The following SLC1A4 variants were observed in gnomAD, a reference collection of about 807,000 sequenced individuals.
SLC1A4 encodes the protein neutral amino acid transporter A.
SLC1A4 carries 19 observed loss-of-function variants against 37.7 expected under a neutral mutation model. That is an observed-to-expected ratio of 0.50 (90% CI 0.35 to 0.74). SLC1A4 has a LOEUF of 0.74. Ranked by LOEUF, SLC1A4 falls within the 30% of genes least tolerant of loss-of-function variation. The pLI, the probability that SLC1A4 is intolerant of heterozygous loss-of-function variation, is 0.01. For missense variants in SLC1A4, 570 were observed against 712.9 expected (o/e 0.80, Z 2.28); for synonymous variants, 299 against 309.8 (o/e 0.97, Z 0.37).
chr2:64,994,141 G>A (rs1673163987), intron 1 of SLC1A4, among the ~76,000 whole-genome samples: 1 of 152,230 alleles, frequency 6.6e-6, no homozygotes, highest in South Asian at 2.1e-4. Flanking sequence ...TCACACTATG[G>A]AAAATTTGGA....
intron 3 of SLC1A4, among the ~76,000 whole-genome samples, chr2:65,006,689 A>T (rs75947526): frequency 0.015 from 2,247 of 152,050 alleles, 57 homozygotes; most frequent in African/African-American, 0.048. Context: ...TTGTAATCTC[A>T]ATGACTCAGA....
At chr2:65,006,491 C>CA (rs1319237059) in intron 3 of SLC1A4, among the ~76,000 whole-genome samples, 2 of 151,574 alleles carry the variant, frequency 1.3e-5, no homozygotes, top group African/African-American at 4.9e-5. Context: ...GACTCTGTCT[C>CA]AAAAAAATAA....
chr2:64,989,708 C>G lies in SLC1A4; in HGVS notation c.65C>G (p.Pro22Arg). The G allele has an allele frequency of 6.6e-7, 1 of 1,517,490 alleles. No homozygotes were observed. Among genetic ancestry groups the G allele is most frequent in the Non-Finnish European group, 8.8e-7 (1 of 1,138,676 alleles). 94.0% of individuals were successfully genotyped at this position (1,517,490 alleles called of 1,614,324 possible). ...DSAQAGPAAG[P>R]GAPGTAAGRA... ...GCTCAGGCGGGGCCTGCGGCCGGGC[C>G]CGGAGCTCCGGGGACCGCGGCGGGA... Residue 22 changes from proline (P) to arginine (R), a missense_variant, in exon 1 of 8, where the codon CCC becomes CGC. Transcript: ENST00000234256.
At chr2:65,020,821 A>G in intron 7 of SLC1A4, 91 bp from the exon 8 acceptor site, 1 of 1,024,720 alleles carries the variant, frequency 9.8e-7, no homozygotes, top group Non-Finnish European at 1.5e-6. Flanking sequence ...GCCCCTCACA[A>G]TCATGACTTT....
chr2:64,991,510 C>A (rs2103628127), intron 1 of SLC1A4, among the ~76,000 whole-genome samples: 1 of 151,382 alleles, frequency 6.6e-6, no homozygotes, highest in East Asian at 2.0e-4. Flanking sequence ...TCACTGCATC[C>A]CCGAACTCCT....
In SLC1A4 at chr2:65,018,317, T is replaced by A. The variant is rs1674250696; in HGVS notation, c.1229+52T>A. 2.5e-6 allele frequency: 4 copies of A among 1,574,006 alleles called. No individual in the cohort carries two copies. In the African/African-American group the frequency reaches 4.1e-5, roughly 16 times the overall value. On this transcript the variant is annotated intron_variant, in intron 6 of 7. Transcript: ENST00000234256. This position sits in a 1 kb window ranked among gnomAD's most constrained non-coding sequence, Gnocchi z 4.3. ...CAAAACTGAAGGCTTTTCTTGTGATTTCCTTTGAAAAACCAATCTCACCAC... is the reference window on the plus strand; with the variant it reads ...CAAAACTGAAGGCTTTTCTTGTGATATCCTTTGAAAAACCAATCTCACCAC...
rs70937394 is a variant in SLC1A4 at position 65,002,570 on chromosome 2, C to CTTTTTTTTTTTTTTT, written c.570+1091_570+1105dup. Among the ~76,000 whole-genome samples, 11 of 59,048 alleles carry CTTTTTTTTTTTTTTT rather than the reference C, an allele frequency of 1.9e-4. 1 individual carries two copies. Among genetic ancestry groups the CTTTTTTTTTTTTTTT allele is most frequent in the Admixed American group, 5.3e-4 (2 of 3,744 alleles). The allele number at this position is 59,048 out of a possible 152,430, so 38.7% of individuals were successfully genotyped here. A position where few individuals can be genotyped will look rare whatever the true frequency, so the allele number is the denominator to read the frequency against. On this transcript the variant is annotated intron_variant, in intron 2 of 7. Coordinates refer to ENST00000234256, the MANE Select transcript of SLC1A4 (RefSeq NM_003038.5). ...TGCAAGTAACAGTCCTGTGACCATT[C>CTTTTTTTTTTTTTTT]TTTTTTTTTTTTTTTTTTTTTTTTT...
rs1240670805 is a variant in SLC1A4 at position 65,016,460 on chromosome 2, T to C, written c.821T>C (p.Met274Thr). 2 of 1,614,190 alleles carry C rather than the reference T, an allele frequency of 1.2e-6. No individual in the cohort carries two copies. Among genetic ancestry groups the C allele is most frequent in the Non-Finnish European group, 1.7e-6 (2 of 1,180,000 alleles). Reference sequence around the variant, plus strand: ...CCTAGGTACGTACCTGTGGGCATCATGTTCCTTGTTGGAAGCAAGATCGTG... The same window carrying C: ...CCTAGGTACGTACCTGTGGGCATCACGTTCCTTGTTGGAAGCAAGATCGTG... ...WIMWYVPVGI[M>T]FLVGSKIVEM... is the part of the protein sequence containing the mutation. The change falls in exon 5 of 8, where the codon ATG becomes ACG. Residue 274 changes from methionine to threonine, a missense_variant. By Grantham distance (81) the Met-to-Thr change is moderately conservative (BLOSUM62 -1). Transcript: ENST00000234256.
intron 3 of SLC1A4, among the ~76,000 whole-genome samples, chr2:65,008,227 A>C (rs1299985689): frequency 1.3e-5 from 2 of 152,198 alleles, no homozygotes; most frequent in African/African-American, 4.8e-5. Flanking sequence ...ATAGAATCCT[A>C]GTAGGCCAGT....
intron 7 of SLC1A4, among the ~76,000 whole-genome samples, chr2:65,020,119 G>A (rs72886524): frequency 0.13 from 19,227 of 152,254 alleles, 1,276 homozygotes; most frequent in Middle Eastern, 0.19. Flanking sequence ...TATATTTGCC[G>A]ATGGCAATGG....
At chr2:65,011,951 T>TAG (rs1185917817) in intron 4 of SLC1A4, among the ~76,000 whole-genome samples, 1 of 151,094 alleles carries the variant, frequency 6.6e-6, no homozygotes, top group Non-Finnish European at 1.5e-5. Context: ...GTATTTTTAG[T>TAG]AGAGACAGGG....
Position 65,018,213 on chromosome 2 carries a change from A to G in SLC1A4, c.1177A>G (p.Ile393Val). 3 of 1,614,178 alleles carry G rather than the reference A, an allele frequency of 1.9e-6. No homozygotes were observed. Among genetic ancestry groups the G allele is most frequent in the South Asian group, 1.1e-5 (1 of 91,070 alleles). ...CTTCCAGTGTGTGGCCGCGGTGTTCATTGCGCAACTCAACAACGTAGAGCT... is the reference window on the plus strand; with the variant it reads ...CTTCCAGTGTGTGGCCGCGGTGTTCGTTGCGCAACTCAACAACGTAGAGCT... ...AIFQCVAAVF[I>V]AQLNNVELNA... is the part of the protein sequence containing the mutation. Residue 393 changes from isoleucine (I) to valine (V), a missense_variant, in exon 6 of 8, where the codon ATT becomes GTT. By Grantham distance (29) the Ile-to-Val change is conservative. Coordinates refer to ENST00000234256, the MANE Select transcript of SLC1A4 (RefSeq NM_003038.5). The surrounding 1 kb of genome is among the most constrained non-coding windows in gnomAD (Gnocchi z 4.3).
chr2:64,994,461 C>A (rs1228974606), intron 1 of SLC1A4, among the ~76,000 whole-genome samples: 1 of 152,260 alleles, frequency 6.6e-6, no homozygotes, highest in East Asian at 1.9e-4. Context: ...GGGCCACCAT[C>A]TTGCAGTAGC....
chr2:65,005,949 G>A, intron 3 of SLC1A4, among the ~76,000 whole-genome samples: 1 of 152,018 alleles, frequency 6.6e-6, no homozygotes, highest in African/African-American at 2.4e-5. Flanking sequence ...GCTGCAGTGA[G>A]TCATGATCGT....
At chr2:64,991,593 T>TTTTTGTTTGTTTG (rs1553370740) in intron 1 of SLC1A4, among the ~76,000 whole-genome samples, 5,303 of 143,478 alleles carry the variant, frequency 0.037, 164 homozygotes, top group African/African-American at 0.089. Context: ...ACACCCAGCT[T>TTTTTGTTTGTTTG]TTTGTTTGTT....
chr2:65,014,698 C>G (rs1233668163), intron 4 of SLC1A4, among the ~76,000 whole-genome samples: 1 of 152,236 alleles, frequency 6.6e-6, no homozygotes, highest in Non-Finnish European at 1.5e-5. Flanking sequence ...GTGGCAGTAT[C>G]TACTGAAATT....
At chr2:65,014,558 A>G (rs1674049775) in intron 4 of SLC1A4, among the ~76,000 whole-genome samples, 1 of 152,216 alleles carries the variant, frequency 6.6e-6, no homozygotes, top group Non-Finnish European at 1.5e-5. Context: ...CCATGCCCCA[A>G]AAGTTATGAC....
intron 3 of SLC1A4, among the ~76,000 whole-genome samples, chr2:65,006,411 G>C (rs968712351): frequency 6.6e-6 from 1 of 152,064 alleles, no homozygotes; most frequent in Non-Finnish European, 1.5e-5. Context: ...AGAATCACTT[G>C]AACACAGGAT....
Position 65,018,452 on chromosome 2 carries a change from GT to G in SLC1A4, c.1230-90del. On this transcript the variant is annotated intron_variant, in intron 6 of 7. Transcript: ENST00000234256. This position sits in a 1 kb window ranked among gnomAD's most constrained non-coding sequence, Gnocchi z 4.3. The stretch of plus-strand genomic sequence containing the variant: ...AGAGCCTATGGTGGGGCGGTTTTTA[GT>G]TTCCAGCCACATTGCAGCTGCATGG... The G allele has an allele frequency of 6.5e-7, 1 of 1,547,808 alleles. No homozygotes were observed.
Sources: allele counts gnomAD v4.1 joint callset (sites outside exome capture counted in the v4.1 genomes callset), GRCh38; gene constraint gnomAD v4.1.1; non-coding constraint Gnocchi (gnomAD v3.1); transcripts MANE v1.5; gene names NCBI Gene and HGNC (gene_info 2026-07-23, HGNC 2026-07-21).